Variants in ZNF366 observed in about 807,000 individuals in gnomAD.
ZNF366 encodes the protein zinc finger protein 366.
A neutral mutation model predicts 47.2 loss-of-function variants in ZNF366; 20 were observed. That is an observed-to-expected ratio of 0.42 (90% CI 0.30 to 0.62). The LOEUF (loss-of-function observed/expected upper bound fraction) is 0.62, where lower values mean the gene tolerates loss of function less well. Ranked by LOEUF, ZNF366 falls within the 20% of genes least tolerant of loss-of-function variation. The probability of loss-of-function intolerance (pLI) is 0.16; values close to 1 mark genes in which losing one functional copy is unlikely to be tolerated. For synonymous variants in ZNF366, 421 were observed against 395.1 expected (o/e 1.07, Z -0.78); for missense variants, 987 against 976.3 (o/e 1.01, Z -0.15).
intron 3 of ZNF366, among the ~76,000 whole-genome samples, chr5:72,455,083 A>G (rs958705978): frequency 5.3e-5 from 8 of 152,184 alleles, no homozygotes; most frequent in Admixed American, 1.3e-4. Flanking sequence ...TTCTTGCTTT[A>G]GACGGATGTA....
chr5:72,507,376 C>T lies in ZNF366; in HGVS notation c.-140G>A, dbSNP rs548466702. ...CAGATTGCAGGGAACTTAAAGAACT[C>T]GCAGGGACAGTGTTTCGAATGACTT... On this transcript the variant is annotated 5_prime_UTR_variant, in exon 1 of 5. Transcript: ENST00000318442. 188 of 985,236 alleles carry T rather than the reference C, an allele frequency of 1.9e-4. No individual in the cohort carries two copies. Among genetic ancestry groups the T allele is most frequent in the Non-Finnish European group, 2.2e-4 (182 of 829,970 alleles). The allele number at this position is 985,236 out of a possible 1,614,324, so 61.0% of individuals were successfully genotyped here. A position where few individuals can be genotyped will look rare whatever the true frequency, so the allele number is the denominator to read the frequency against.
At chr5:72,493,400 T>A (rs1316204742) in intron 1 of ZNF366, among the ~76,000 whole-genome samples, 3 of 152,122 alleles carry the variant, frequency 2.0e-5, no homozygotes, top group African/African-American at 7.2e-5. Context: ...GTCACACAGA[T>A]AATAAAGGAA....
intron 2 of ZNF366, among the ~76,000 whole-genome samples, chr5:72,457,063 CAACTTATA>C (rs1460673645): frequency 3.3e-5 from 5 of 152,138 alleles, no homozygotes; most frequent in African/African-American, 1.2e-4. Flanking sequence ...AATCCCAGAA[CAACTTATA>C]TCCACACTGC....
chr5:72,496,491 G>C (rs1305949130), intron 1 of ZNF366, among the ~76,000 whole-genome samples: 2 of 152,118 alleles, frequency 1.3e-5, no homozygotes, highest in Non-Finnish European at 2.9e-5. Context: ...TTGTTGAGTA[G>C]TATTCCATTG....
intron 1 of ZNF366, among the ~76,000 whole-genome samples, chr5:72,474,967 G>C (rs1299073637): frequency 6.6e-6 from 1 of 152,154 alleles, no homozygotes; most frequent in Non-Finnish European, 1.5e-5. Context: ...AGGAGGGGTA[G>C]CATAAAAGAA....
chr5:72,451,192 C>T (rs1743062666), intron 3 of ZNF366, among the ~76,000 whole-genome samples: 1 of 152,254 alleles, frequency 6.6e-6, no homozygotes, highest in African/African-American at 2.4e-5. Context: ...GGACTCTGAT[C>T]TCATTGCGCA....
chr5:72,467,723 T>C (rs1439344027), intron 1 of ZNF366, among the ~76,000 whole-genome samples: 3 of 152,220 alleles, frequency 2.0e-5, no homozygotes, highest in Non-Finnish European at 2.9e-5. Flanking sequence ...ATGAACTCTT[T>C]ATTCCTTGAA....
chr5:72,503,741 C>T (rs187415812), intron 1 of ZNF366, among the ~76,000 whole-genome samples: 19 of 152,344 alleles, frequency 1.2e-4, no homozygotes, highest in African/African-American at 4.6e-4. Context: ...TGAGAGGGCA[C>T]CTTTTGCACG....
rs564696929 is a variant in ZNF366 at position 72,467,490 on chromosome 5, G to A, written c.-14-5980C>T. Among the ~76,000 whole-genome samples the A allele has an allele frequency of 1.6e-4, 25 of 152,222 alleles. 1 individual carries two copies. The South Asian group carries it at 5.2e-3, about 32-fold the overall frequency. On this transcript the variant is annotated intron_variant, in intron 1 of 4. Coordinates refer to ENST00000318442, the MANE Select transcript of ZNF366 (RefSeq NM_152625.3). The stretch of plus-strand genomic sequence containing the variant: ...ATGCTGCTAATAATGGTCTTTAATT[G>A]GGAAATCACCTACTGCACCAAAATA...
chr5:72,481,560 A>T (rs776235935), intron 1 of ZNF366, among the ~76,000 whole-genome samples: 63 of 152,210 alleles, frequency 4.1e-4, no homozygotes, highest in Non-Finnish European at 7.9e-4. Flanking sequence ...TTACAAAGTG[A>T]AAGTATATTA....
Position 72,461,430 on chromosome 5 carries a change from G to A in ZNF366, c.67C>T (p.Pro23Ser), listed in dbSNP as rs1180433575. The change falls in exon 2 of 5, where the codon CCC becomes TCC. Residue 23 changes from proline (P) to serine (S), a missense_variant. By Grantham distance (74) the Pro-to-Ser change is moderately conservative (BLOSUM62 -1). This residue lies in a region of ZNF366 where 591 missense variants were observed against 560.9 expected (regional missense o/e 1.05). Transcript: ENST00000318442. ...GGCTGCAGGCAGTGGGGAAAGGAGG[G>A]GGTCTTCTTCACAGCCAAGTCGAAA... ...VHFDLAVKKT[P>S]SFPHCLQPVA... The A allele has an allele frequency of 1.2e-6, 2 of 1,608,062 alleles. No homozygotes were observed. The highest frequency in any genetic ancestry group is 2.7e-5 in the African/African-American group (2 of 74,658).
chr5:72,505,814 T>C (rs756511313), intron 1 of ZNF366, among the ~76,000 whole-genome samples: 3 of 152,146 alleles, frequency 2.0e-5, no homozygotes, highest in Non-Finnish European at 4.4e-5. Context: ...AATGGAGTAG[T>C]TAGGGGAGGT....
In ZNF366 at chr5:72,455,078, G is replaced by A. The variant is rs578076238; in HGVS notation, c.1524+1326C>T. Among the ~76,000 whole-genome samples, 7 of 152,256 alleles carry A rather than the reference G, an allele frequency of 4.6e-5. No homozygotes were observed. In the South Asian group the frequency reaches 6.2e-4, roughly 14 times the overall value. On this transcript the variant is annotated intron_variant, in intron 3 of 4. Transcript: ENST00000318442. ...CCTGTGCTGCATGAAGCTGATTCTT[G>A]CTTTAGACGGATGTAAATTGACTTT... is the stretch of plus-strand genomic sequence containing the variant.
intron 1 of ZNF366, among the ~76,000 whole-genome samples, chr5:72,502,835 G>A (rs1744236520): frequency 6.6e-6 from 1 of 152,122 alleles, no homozygotes; most frequent in Non-Finnish European, 1.5e-5. Context: ...ATCAAAAAGT[G>A]CTATTCCACC....
At chr5:72,452,757 C>A (rs758000903) in intron 3 of ZNF366, among the ~76,000 whole-genome samples, 11 of 152,176 alleles carry the variant, frequency 7.2e-5, no homozygotes, top group Non-Finnish European at 1.5e-4. Flanking sequence ...GAATTTGTCC[C>A]GGAAATTCTG....
chr5:72,499,288 C>T (rs192441286), intron 1 of ZNF366, among the ~76,000 whole-genome samples: 2 of 152,278 alleles, frequency 1.3e-5, no homozygotes, highest in Admixed American at 1.3e-4. Context: ...GAAACGCCTG[C>T]TTGCCTGCTG....
At chr5:72,459,376 C>T (rs1347934615) in intron 2 of ZNF366, among the ~76,000 whole-genome samples, 2 of 152,124 alleles carry the variant, frequency 1.3e-5, no homozygotes, top group African/African-American at 4.8e-5. Context: ...GAGCAGGTTC[C>T]ATACTTTAGC....
chr5:72,468,622 A>C (rs1242701391), intron 1 of ZNF366, among the ~76,000 whole-genome samples: 1 of 152,244 alleles, frequency 6.6e-6, no homozygotes, highest in Non-Finnish European at 1.5e-5. Context: ...CCTTAGTAAA[A>C]AAATTATCAA....
chr5:72,466,951 C>T, intron 1 of ZNF366, among the ~76,000 whole-genome samples: 1 of 152,174 alleles, frequency 6.6e-6, no homozygotes, highest in East Asian at 1.9e-4. Flanking sequence ...AGTTCTGCAA[C>T]CCAGCCAGAA....
Sources: gnomAD v4.1 joint callset for allele counts (sites outside exome capture counted in the v4.1 genomes callset) on GRCh38, gnomAD v4.1.1 for gene constraint, gnomAD v4.1.1 regional missense constraint, MANE v1.5 for transcripts, NCBI Gene and HGNC (gene_info 2026-07-23, HGNC 2026-07-21) for gene names.